The following SUCLA2 variants were observed in gnomAD, a reference collection of about 807,000 sequenced individuals.
SUCLA2 encodes the protein succinate--CoA ligase [ADP-forming] subunit beta, mitochondrial.
A neutral mutation model predicts 54.8 loss-of-function variants in SUCLA2; 30 were observed. The observed-to-expected ratio is 0.55, with a 90% CI of 0.41 to 0.74. The LOEUF is 0.74. Among genes scored for constraint, SUCLA2 ranks in the 30% least tolerant of loss-of-function variants. The probability of loss-of-function intolerance (pLI) is 0.00; values close to 1 mark genes in which losing one functional copy is unlikely to be tolerated. For synonymous variants in SUCLA2, 172 were observed against 188.9 expected, an observed-to-expected ratio of 0.91 and a Z score of 0.74; for missense variants, 476 against 562.9, an observed-to-expected ratio of 0.85 and a Z score of 1.56.
chr13:47,965,758 G>A (rs1048854646), intron 6 of SUCLA2: 4 of 393,610 alleles, frequency 1.0e-5, no homozygotes, highest in African/African-American at 8.2e-5. Context: ...AATGTAGTCA[G>A]GTTATATAAG....
intron 2 of SUCLA2, 61 bp from the exon 3 acceptor site, chr13:47,989,042 T>C: frequency 6.6e-7 from 1 of 1,508,594 alleles, no homozygotes; most frequent in Non-Finnish European, 9.2e-7. Context: ...ACATAGTATT[T>C]TGTTATTTAA....
Position 47,949,564 on chromosome 13 carries a change from G to A in SUCLA2, c.1147C>T (p.Arg383Cys), listed in dbSNP as rs781744671. Residue 383 changes from arginine (R) to cysteine (C), a missense_variant, in exon 9 of 11, where the codon CGC becomes TGC. This residue lies in a region of SUCLA2 where 342 missense variants were observed against 444.2 expected (regional missense o/e 0.77). Coordinates refer to ENST00000646932, the MANE Select transcript of SUCLA2 (RefSeq NM_003850.3). The part of the protein sequence containing the change: ...ILVNIFGGIM[R>C]CDVIAQGIVM... Reference sequence around the variant, plus strand: ...ATACCCTGTGCAATAACATCACAGCGCATGATTCCTCCAAAAATGTTGACC... The same window carrying A: ...ATACCCTGTGCAATAACATCACAGCACATGATTCCTCCAAAAATGTTGACC... 1.7e-5 allele frequency: 27 copies of A among 1,613,198 alleles called. No individual in the cohort carries two copies. Among genetic ancestry groups the A allele is most frequent in the East Asian group, 1.1e-4 (5 of 44,832 alleles).
intron 1 of SUCLA2, among the ~76,000 whole-genome samples, chr13:47,998,625 AG>A (rs1950207134): frequency 1.3e-5 from 2 of 152,230 alleles, no homozygotes; most frequent in East Asian, 3.8e-4. Flanking sequence ...AACATAATGT[AG>A]AGAGAAAGAA....
chr13:47,993,896 T>C (rs1838295138), intron 2 of SUCLA2, among the ~76,000 whole-genome samples: 2 of 151,326 alleles, frequency 1.3e-5, no homozygotes, highest in Admixed American at 1.3e-4. Flanking sequence ...TTAGCCGGGG[T>C]GGTGGCACAT....
chr13:47,981,677 A>G lies in SUCLA2; in HGVS notation c.534+6864T>C, dbSNP rs574628589. Among the ~76,000 whole-genome samples the G allele has an allele frequency of 1.5e-3, 233 of 152,274 alleles. 2 individuals are homozygous for G. The highest frequency in any genetic ancestry group is 2.5e-4 in the Non-Finnish European group (17 of 68,020). ...CTAAAAATACAAAAACTAGCCGGGC[A>G]TGGTGGTGCACGCCTGTAGTCCCAG... On this transcript the variant is annotated intron_variant, in intron 4 of 10. Transcript: ENST00000646932.
At chr13:47,953,136 CATT>C (rs1212264683) in intron 8 of SUCLA2, among the ~76,000 whole-genome samples, 1 of 152,184 alleles carries the variant, frequency 6.6e-6, no homozygotes, top group East Asian at 1.9e-4. Context: ...ATGCTATCCA[CATT>C]GACACCCTGG....
chr13:47,947,153 G>C (rs1396685179), intron 10 of SUCLA2, among the ~76,000 whole-genome samples: 1 of 152,004 alleles, frequency 6.6e-6, no homozygotes. Context: ...AAGACCAAAG[G>C]TTGGACAATT....
At chr13:47,984,478 A>G (rs9534897) in intron 4 of SUCLA2, among the ~76,000 whole-genome samples, 110,817 of 151,992 alleles carry the variant, frequency 0.73, 41,361 homozygotes, top group Non-Finnish European at 0.82. Flanking sequence ...TCGGGATTAC[A>G]GGTGTCAGCC....
intron 1 of SUCLA2, 86 bp downstream of exon 1, chr13:48,001,094 T>G: frequency 6.5e-7 from 1 of 1,532,090 alleles, no homozygotes; most frequent in Non-Finnish European, 8.8e-7. Flanking sequence ...GCCGGCGAAG[T>G]GACCCCGAGC....
Position 47,965,853 on chromosome 13 carries a change from C to G in SUCLA2, c.802+2742G>C, listed in dbSNP as rs1241134830. ...CACGAAGTCAGGAGATCAAGACCATCCTGGCTAACATGGTGAAACCCCATC... is the reference window on the plus strand; with the variant it reads ...CACGAAGTCAGGAGATCAAGACCATGCTGGCTAACATGGTGAAACCCCATC... On this transcript the variant is annotated intron_variant, in intron 6 of 10. Transcript: ENST00000646932. Among the ~76,000 whole-genome samples, 4 of 152,188 alleles carry G rather than the reference C, an allele frequency of 2.6e-5. No individual in the cohort carries two copies. The East Asian group carries it at 7.7e-4, about 29-fold the overall frequency.
intron 4 of SUCLA2, among the ~76,000 whole-genome samples, chr13:47,978,721 G>C (rs1341921676): frequency 6.6e-6 from 1 of 152,152 alleles, no homozygotes; most frequent in Admixed American, 6.5e-5. Flanking sequence ...TATCAGCAGA[G>C]TGAACAGGCA....
chr13:47,954,418 G>A lies in SUCLA2; in HGVS notation c.942C>T (p.Leu314=), dbSNP rs368442407. Residue 314 remains leucine, a synonymous_variant, in exon 7 of 11, where the codon CTC becomes CTT. Coordinates refer to ENST00000646932, the MANE Select transcript of SUCLA2 (RefSeq NM_003850.3). The stretch of plus-strand genomic sequence containing the variant: ...TACCTAGGCAGCCTATATTTCCATC[G>A]AGGCCAATGTAGTTGAGATTTGCCT... ...AAKANLNYIG[L]DGNIGCLVNG... is the part of the protein sequence containing the mutation. The A allele has an allele frequency of 4.6e-5, 75 of 1,613,950 alleles. No homozygotes were observed. In the African/African-American group the frequency reaches 4.7e-4, roughly 10 times the overall value.
intron 5 of SUCLA2, chr13:47,972,076 C>A (rs1045998331): frequency 3.1e-5 from 12 of 381,192 alleles, no homozygotes; most frequent in Non-Finnish European, 4.6e-5. Flanking sequence ...CATAGCAAAA[C>A]CCCATCTCTA....
At chr13:47,944,128 G>A (rs573982668) in intron 10 of SUCLA2, among the ~76,000 whole-genome samples, 2 of 152,076 alleles carry the variant, frequency 1.3e-5, no homozygotes, top group Admixed American at 6.5e-5. Context: ...AGATATCTTT[G>A]GCTGCAAATC....
At chr13:47,970,531 G>A (rs1182758876) in intron 5 of SUCLA2, among the ~76,000 whole-genome samples, 2 of 152,112 alleles carry the variant, frequency 1.3e-5, no homozygotes, top group Non-Finnish European at 2.9e-5. Flanking sequence ...TTCTCCATCA[G>A]AAACATTTAT....
At chr13:47,986,122 C>G (rs1044320492) in intron 4 of SUCLA2, among the ~76,000 whole-genome samples, 3 of 151,548 alleles carry the variant, frequency 2.0e-5, no homozygotes, top group Non-Finnish European at 4.4e-5. Context: ...CCTCCACCTC[C>G]CAGATTCAAG....
chr13:47,988,240 C>G (rs564937703), intron 4 of SUCLA2: 2 of 425,106 alleles, frequency 4.7e-6, no homozygotes, highest in Non-Finnish European at 8.2e-6. Context: ...ATAATTTTCT[C>G]AATCTGGAGA....
chr13:47,953,490 T>C (rs1189131874), intron 8 of SUCLA2, among the ~76,000 whole-genome samples: 1 of 152,092 alleles, frequency 6.6e-6, no homozygotes. Flanking sequence ...CCTTGCAAAA[T>C]TAATAAATAT....
chr13:47,999,448 T>G (rs927448514), intron 1 of SUCLA2, among the ~76,000 whole-genome samples: 1 of 152,112 alleles, frequency 6.6e-6, no homozygotes, highest in Non-Finnish European at 1.5e-5. Flanking sequence ...TGGCTCAAGC[T>G]TGTAATCCCA....
Sources: allele counts gnomAD v4.1 joint callset (sites outside exome capture counted in the v4.1 genomes callset), GRCh38; gene constraint gnomAD v4.1.1; regional missense constraint gnomAD v4.1.1; transcripts MANE v1.5; gene names NCBI Gene and HGNC (gene_info 2026-07-23, HGNC 2026-07-21).